The following SDK1 variants were observed in gnomAD, a reference collection of about 807,000 sequenced individuals.
SDK1 encodes sidekick cell adhesion molecule 1, also known as protein sidekick-1.
In SDK1, 157 loss-of-function variants were observed where a neutral mutation model predicts 245.5. The observed-to-expected ratio is 0.64, with a 90% CI of 0.56 to 0.73. The LOEUF (loss-of-function observed/expected upper bound fraction) is 0.73. SDK1 is among the 30% of genes least tolerant of loss of function. The pLI is 0.00. For synonymous variants in SDK1, 1,647 were observed against 1,278.5 expected, an observed-to-expected ratio of 1.29 and a Z score of -6.15; for missense variants, 3,583 against 3,002.3, an observed-to-expected ratio of 1.19 and a Z score of -4.52.
chr7:4,197,118 C>T (rs1783626005), intron 35 of SDK1, among the ~76,000 whole-genome samples: 1 of 152,152 alleles, frequency 6.6e-6, no homozygotes, highest in African/African-American at 2.4e-5. Flanking sequence ...GTTAGAGCAG[C>T]GAGGAGACCC....
At chr7:3,467,425 T>C (rs868207129) in intron 1 of SDK1, among the ~76,000 whole-genome samples, 5 of 151,994 alleles carry the variant, frequency 3.3e-5, no homozygotes, top group African/African-American at 1.2e-4. Flanking sequence ...CAAAAATGTA[T>C]AGTATAAAAA....
At chr7:3,415,397 A>G (rs1406338624) in intron 1 of SDK1, among the ~76,000 whole-genome samples, 1 of 152,150 alleles carries the variant, frequency 6.6e-6, no homozygotes, top group Non-Finnish European at 1.5e-5. Context: ...AGTTATATCT[A>G]TATGTAATCT....
At chr7:3,323,789 C>T (rs1423119695) in intron 1 of SDK1, among the ~76,000 whole-genome samples, 2 of 152,190 alleles carry the variant, frequency 1.3e-5, no homozygotes, top group Admixed American at 1.3e-4. Context: ...GAAGTGAGAT[C>T]TCATCTTTAG....
chr7:3,983,818 A>C (rs994604600), intron 13 of SDK1, among the ~76,000 whole-genome samples: 2 of 152,146 alleles, frequency 1.3e-5, no homozygotes, highest in Non-Finnish European at 2.9e-5. Flanking sequence ...GATTTACCAA[A>C]ATATCACACT....
chr7:3,756,646 A>T (rs1224362492), intron 4 of SDK1, among the ~76,000 whole-genome samples: 3 of 151,648 alleles, frequency 2.0e-5, no homozygotes, highest in Non-Finnish European at 2.9e-5. Flanking sequence ...CCTATCTAAG[A>T]CCTTGTGCGT....
intron 5 of SDK1, among the ~76,000 whole-genome samples, chr7:3,879,623 T>C (rs1781158285): frequency 6.6e-6 from 1 of 152,202 alleles, no homozygotes; most frequent in Non-Finnish European, 1.5e-5. Context: ...TCGCTGCGTG[T>C]CCAGGATGGA....
chr7:4,165,880 G>C (rs190170835), intron 32 of SDK1, among the ~76,000 whole-genome samples: 1 of 152,132 alleles, frequency 6.6e-6, no homozygotes, highest in African/African-American at 2.4e-5. Flanking sequence ...TCCAACTCCT[G>C]GGCTCAAGCA....
chr7:4,097,502 G>A (rs574546404), intron 22 of SDK1, among the ~76,000 whole-genome samples: 13 of 152,276 alleles, frequency 8.5e-5, no homozygotes, highest in South Asian at 4.1e-4. Flanking sequence ...CATGCCATCC[G>A]GGACAGACAT....
chr7:3,907,371 G>A (rs930798258), intron 5 of SDK1, among the ~76,000 whole-genome samples: 3 of 151,974 alleles, frequency 2.0e-5, no homozygotes, highest in African/African-American at 7.3e-5. Flanking sequence ...TCACATATTC[G>A]TCCTTTTGTG....
At chr7:3,830,078 A>G (rs112052503) in intron 5 of SDK1, among the ~76,000 whole-genome samples, 1 of 152,180 alleles carries the variant, frequency 6.6e-6, no homozygotes, top group Non-Finnish European at 1.5e-5. Flanking sequence ...GTGGATTTAT[A>G]TGACTGATGT....
At chr7:3,644,309 C>T (rs762055292) in intron 4 of SDK1, among the ~76,000 whole-genome samples, 46 of 150,750 alleles carry the variant, frequency 3.1e-4, no homozygotes, top group Non-Finnish European at 5.3e-4. Context: ...TACCAGTTAC[C>T]TTAGAAGATG....
At chr7:4,150,944 T>C (rs1321268630) in intron 30 of SDK1, among the ~76,000 whole-genome samples, 1 of 152,252 alleles carries the variant, frequency 6.6e-6, no homozygotes, top group Non-Finnish European at 1.5e-5. Context: ...CAGCCTGGCT[T>C]CTGCCACTTG....
At chr7:3,555,446 T>G (rs1249363031) in intron 1 of SDK1, among the ~76,000 whole-genome samples, 1 of 152,094 alleles carries the variant, frequency 6.6e-6, no homozygotes, top group African/African-American at 2.4e-5. Context: ...TTAAAAACTT[T>G]AAGATGTGAA....
Position 3,351,096 on chromosome 7 carries a change from A to G in SDK1, c.298+49212A>G, listed in dbSNP as rs527514203. Among the ~76,000 whole-genome samples, 7 of 152,324 alleles carry G rather than the reference A, an allele frequency of 4.6e-5. No homozygotes were observed. In the South Asian group the frequency reaches 1.4e-3, roughly 32 times the overall value. ...TAAAAAATTTGAAAACAGCTTGGTTACTGACTAAGCTGCAGCAGTTCTGAG... is the reference window on the plus strand; with the variant it reads ...TAAAAAATTTGAAAACAGCTTGGTTGCTGACTAAGCTGCAGCAGTTCTGAG... On this transcript the variant is annotated intron_variant, in intron 1 of 44. Coordinates refer to ENST00000404826, the MANE Select transcript of SDK1 (RefSeq NM_152744.4).
In SDK1 at chr7:3,673,408, C is replaced by T. The variant is rs144889342; in HGVS notation, c.713+31303C>T. On this transcript the variant is annotated intron_variant, in intron 4 of 44. Coordinates refer to ENST00000404826, the MANE Select transcript of SDK1 (RefSeq NM_152744.4). ...TCTTTTCCTGGAAGGTTTTTGTTGA[C>T]TGGCTCTTCCTTTTAGTATACTCTC... 2.4e-3 allele frequency among the ~76,000 whole-genome samples: 373 copies of T among 152,300 alleles called. 2 individuals are homozygous for T. Among genetic ancestry groups the T allele is most frequent in the African/African-American group, 8.4e-3 (348 of 41,542 alleles).
At chr7:3,850,371 T>C (rs1304860526) in intron 5 of SDK1, among the ~76,000 whole-genome samples, 1 of 152,210 alleles carries the variant, frequency 6.6e-6, no homozygotes, top group East Asian at 1.9e-4. Context: ...TTTACTCTTT[T>C]CTGGAATGAA....
intron 5 of SDK1, among the ~76,000 whole-genome samples, chr7:3,880,438 C>A (rs1218180063): frequency 6.6e-6 from 1 of 152,090 alleles, no homozygotes; most frequent in Admixed American, 6.5e-5. Context: ...GCAGCAGGAG[C>A]CCGGCCCGCG....
At chr7:3,972,214 G>A (rs890704076) in intron 12 of SDK1, among the ~76,000 whole-genome samples, 9 of 151,768 alleles carry the variant, frequency 5.9e-5, no homozygotes, top group African/African-American at 2.2e-4. Context: ...CGAGTAGCTG[G>A]GACTACAAGT....
intron 4 of SDK1, among the ~76,000 whole-genome samples, chr7:3,794,588 A>G (rs1358143723): frequency 1.3e-5 from 2 of 152,036 alleles, no homozygotes; most frequent in Non-Finnish European, 2.9e-5. Context: ...AGGAAGAGGG[A>G]CCTAAGTTCG....
Sources: allele counts gnomAD v4.1 joint callset (sites outside exome capture counted in the v4.1 genomes callset), GRCh38; gene constraint gnomAD v4.1.1; transcripts MANE v1.5; gene names NCBI Gene and HGNC (gene_info 2026-07-23, HGNC 2026-07-21).